Variants in DLGAP2 observed in about 807,000 individuals in gnomAD.
DLGAP2 encodes DLG associated protein 2.
Under a neutral mutation model 100.3 loss-of-function variants are expected in DLGAP2, and 26 were observed. The ratio of observed to expected loss-of-function variants is 0.26; its 90% CI spans 0.19 to 0.36. DLGAP2 has a LOEUF of 0.36. DLGAP2 is among the 10% of genes least tolerant of loss of function. DLGAP2 has a pLI of 1.00. For missense variants in DLGAP2, 1,858 were observed against 1,453.2 expected (o/e 1.28, Z -4.53); for synonymous variants, 886 against 630.1 (o/e 1.41, Z -6.08).
intron 2 of DLGAP2, among the ~76,000 whole-genome samples, chr8:1,138,221 A>G (rs28435305): frequency 0.42 from 64,133 of 152,030 alleles, 14,217 homozygotes; most frequent in African/African-American, 0.57. Context: ...GCTTTCCTCA[A>G]TGCTCCCTGA....
At chr8:755,891 A>G (rs1417754228) in intron 1 of DLGAP2, among the ~76,000 whole-genome samples, 1 of 152,216 alleles carries the variant, frequency 6.6e-6, no homozygotes, top group Non-Finnish European at 1.5e-5. Context: ...AAACCATGGC[A>G]GGGAAGGAGG....
chr8:1,340,163 G>T (rs1204530060), intron 3 of DLGAP2, among the ~76,000 whole-genome samples: 1 of 152,148 alleles, frequency 6.6e-6, no homozygotes, highest in Non-Finnish European at 1.5e-5. Flanking sequence ...TACCATTCTG[G>T]ACATGGGAAC....
At chr8:1,156,642 TCAGCGCC>T (rs1796796452) in intron 2 of DLGAP2, among the ~76,000 whole-genome samples, 1 of 147,104 alleles carries the variant, frequency 6.8e-6, no homozygotes, top group African/African-American at 2.5e-5. Flanking sequence ...GCGCCCCGGC[TCAGCGCC>T]CCAGCCCAGC....
At chr8:1,670,183 C>T (rs1032776838) in intron 10 of DLGAP2, among the ~76,000 whole-genome samples, 20 of 152,242 alleles carry the variant, frequency 1.3e-4, no homozygotes, top group Non-Finnish European at 2.2e-4. Flanking sequence ...ATCCACCCAG[C>T]CACGACTGAG....
At chr8:1,143,826 T>G (rs1208660401) in intron 2 of DLGAP2, among the ~76,000 whole-genome samples, 1 of 152,212 alleles carries the variant, frequency 6.6e-6, no homozygotes, top group East Asian at 1.9e-4. Context: ...TGCTGGACCC[T>G]CCTGACCTGC....
chr8:1,683,954 G>GTGTGTATATATA lies in DLGAP2; in HGVS notation c.2704+5326_2704+5327insGTGTATATATAT, dbSNP rs1450063590. Among the ~76,000 whole-genome samples, 8 of 74,734 alleles carry GTGTGTATATATA rather than the reference G, an allele frequency of 1.1e-4. 1 individual carries two copies. Among genetic ancestry groups the GTGTGTATATATA allele is most frequent in the Admixed American group, 1.7e-4 (1 of 5,722 alleles). 49.0% of individuals were successfully genotyped at this position (74,734 alleles called of 152,430 possible). On this transcript the variant is annotated intron_variant, in intron 12 of 14. Coordinates refer to ENST00000637795, the MANE Select transcript of DLGAP2 (RefSeq NM_001346810.2). ...TATATATGTGTATATATATATGTGT[G>GTGTGTATATATA]TATATATATATATATATATATATAT...
intron 2 of DLGAP2, among the ~76,000 whole-genome samples, chr8:1,234,455 G>C (rs908259480): frequency 1.3e-5 from 2 of 152,118 alleles, no homozygotes; most frequent in Non-Finnish European, 2.9e-5. Context: ...CTTTTCATAA[G>C]GACACTAGTA....
chr8:1,694,315 G>A (rs543844759), intron 13 of DLGAP2, among the ~76,000 whole-genome samples: 11 of 152,288 alleles, frequency 7.2e-5, no homozygotes, highest in South Asian at 2.1e-4. Flanking sequence ...CAAATGGTCC[G>A]CAGCGCAAAG....
At chr8:1,327,136 A>C (rs544267614) in intron 3 of DLGAP2, among the ~76,000 whole-genome samples, 1 of 152,212 alleles carries the variant, frequency 6.6e-6, no homozygotes, top group Non-Finnish European at 1.5e-5. Flanking sequence ...CATCCTCCTG[A>C]CACTGAGCGA....
chr8:1,289,932 A>T (rs1800022018), intron 3 of DLGAP2, among the ~76,000 whole-genome samples: 1 of 152,222 alleles, frequency 6.6e-6, no homozygotes, highest in African/African-American at 2.4e-5. Context: ...CCATCTATTG[A>T]TACTCAAGAC....
chr8:1,662,698 A>C (rs1798436153), intron 8 of DLGAP2, among the ~76,000 whole-genome samples: 1 of 152,248 alleles, frequency 6.6e-6, no homozygotes, highest in Admixed American at 6.5e-5. Context: ...CGCCTACCCC[A>C]CAAGGTTGTT....
chr8:1,289,952 G>T (rs1378370725), intron 3 of DLGAP2, among the ~76,000 whole-genome samples: 2 of 152,206 alleles, frequency 1.3e-5, no homozygotes, highest in Non-Finnish European at 2.9e-5. Flanking sequence ...CAGATCAAAT[G>T]GTAGGTCCTG....
rs140596782 is a variant in DLGAP2, at chr8:893,710, T to C, written c.19-14202T>C. On this transcript the variant is annotated intron_variant, in intron 1 of 14. Transcript: ENST00000637795. ...TCCTGCCTGCAGGTCTATCCAGGAC[T>C]CTGTTAACCGTCGTTCTTTTGGAAA... 9.0e-3 allele frequency among the ~76,000 whole-genome samples: 1,377 copies of C among 152,334 alleles called. 18 individuals carry two copies. Among genetic ancestry groups the C allele is most frequent in the African/African-American group, 0.02 (813 of 41,594 alleles).
At chr8:1,482,322 A>G (rs1029681148) in intron 3 of DLGAP2, among the ~76,000 whole-genome samples, 1 of 152,228 alleles carries the variant, frequency 6.6e-6, no homozygotes, top group Non-Finnish European at 1.5e-5. Context: ...TCAACGCTGC[A>G]CGAGGCTTGC....
intron 12 of DLGAP2, among the ~76,000 whole-genome samples, chr8:1,689,800 C>G (rs1021864678): frequency 6.6e-6 from 1 of 152,228 alleles, no homozygotes; most frequent in East Asian, 1.9e-4. Context: ...CGTAGATCAT[C>G]TGCCCCCTGC....
chr8:1,139,163 G>A (rs950225817), intron 2 of DLGAP2, among the ~76,000 whole-genome samples: 2 of 152,318 alleles, frequency 1.3e-5, no homozygotes, highest in Non-Finnish European at 2.9e-5. Context: ...TGTGGGCATG[G>A]GTGGCCTGCT....
intron 3 of DLGAP2, among the ~76,000 whole-genome samples, chr8:1,265,615 G>C (rs556643191): frequency 6.6e-6 from 1 of 152,210 alleles, no homozygotes; most frequent in Non-Finnish European, 1.5e-5. Flanking sequence ...AGACTCCTAA[G>C]ACTGAAGCCA....
intron 2 of DLGAP2, among the ~76,000 whole-genome samples, chr8:1,247,672 T>C (rs1482971009): frequency 3.9e-5 from 2 of 51,452 alleles, no homozygotes; most frequent in East Asian, 5.1e-4. Context: ...GGAGTGATGG[T>C]CCATGTTGGT....
intron 2 of DLGAP2, among the ~76,000 whole-genome samples, chr8:1,203,044 C>G (rs1488755050): frequency 2.4e-4 from 36 of 152,192 alleles, no homozygotes; most frequent in Admixed American, 2.4e-3. Context: ...CACATCCACG[C>G]CGGTTCCGTA....
Sources: allele counts gnomAD v4.1 joint callset (sites outside exome capture counted in the v4.1 genomes callset), GRCh38; gene constraint gnomAD v4.1.1; transcripts MANE v1.5; gene names NCBI Gene and HGNC (gene_info 2026-07-23, HGNC 2026-07-21).